EFCAB13: variants seen among roughly 807,000 people sequenced by gnomAD.
EFCAB13 encodes the protein EF-hand calcium binding domain 13.
EFCAB13 carries 91 observed loss-of-function variants against 110.2 expected under a neutral mutation model. That is an observed-to-expected ratio of 0.83 (90% CI 0.70 to 0.98). EFCAB13 has a LOEUF of 0.98. Among genes scored for constraint, EFCAB13 ranks in the 50% least tolerant of loss-of-function variants. EFCAB13 has a pLI of 0.00. For synonymous variants in EFCAB13, 323 were observed against 369.9 expected (o/e 0.87, Z 1.45); for missense variants, 968 against 1,119.4 (o/e 0.86, Z 1.93).
chr17:47,434,267 C>G (rs1567809478), intron 24 of EFCAB13, among the ~76,000 whole-genome samples: 1 of 151,848 alleles, frequency 6.6e-6, no homozygotes, highest in Non-Finnish European at 1.5e-5. Context: ...CCAACAATGA[C>G]CAAGCTGAGA....
At chr17:47,349,790 C>T (rs1299159968) in intron 9 of EFCAB13, among the ~76,000 whole-genome samples, 12 of 101,914 alleles carry the variant, frequency 1.2e-4, no homozygotes, top group Admixed American at 5.6e-4. Context: ...TTTTTTGAGA[C>T]GGAGTCTCGC....
intron 10 of EFCAB13, among the ~76,000 whole-genome samples, chr17:47,366,179 C>T (rs774658003): frequency 6.6e-5 from 10 of 152,088 alleles, no homozygotes; most frequent in Non-Finnish European, 1.3e-4. Context: ...AATTAGCCCC[C>T]TGAAATTTTC....
chr17:47,380,787 T>C (rs1388188938), intron 14 of EFCAB13, among the ~76,000 whole-genome samples: 4 of 152,164 alleles, frequency 2.6e-5, no homozygotes, highest in African/African-American at 9.7e-5. Context: ...TGGCATGAGA[T>C]GGTATCTCAT....
At chr17:47,430,783 T>C (rs1199015373) in intron 24 of EFCAB13, 2 of 152,118 alleles carry the variant, frequency 1.3e-5, no homozygotes, top group African/African-American at 4.8e-5. Flanking sequence ...TACTCTCGAT[T>C]GAACTCCACA....
At chr17:47,331,660 C>T (rs566700872) in intron 4 of EFCAB13, among the ~76,000 whole-genome samples, 3 of 152,246 alleles carry the variant, frequency 2.0e-5, no homozygotes, top group African/African-American at 4.8e-5. Context: ...TGTATTATGA[C>T]ATATAGTCAA....
At chr17:47,435,255 A>C (rs1905190867) in intron 24 of EFCAB13, among the ~76,000 whole-genome samples, 1 of 152,196 alleles carries the variant, frequency 6.6e-6, no homozygotes, top group Admixed American at 6.5e-5. Context: ...GAAGATATAC[A>C]AATGGCCAAC....
At chr17:47,343,179 G>A (rs1009190596) in intron 6 of EFCAB13, among the ~76,000 whole-genome samples, 6 of 152,018 alleles carry the variant, frequency 3.9e-5, no homozygotes, top group Non-Finnish European at 5.9e-5. Flanking sequence ...AAATCTGTGG[G>A]AATCTTCAGT....
Position 47,384,802 on chromosome 17 carries a change from G to A in EFCAB13, c.1582+5549G>A, listed in dbSNP as rs544696709. On this transcript the variant is annotated intron_variant, in intron 14 of 24. Coordinates refer to ENST00000331493, the MANE Select transcript of EFCAB13 (RefSeq NM_152347.5). ...TTTTTTTTTATTGAGAAGGAGTCTC[G>A]CTCTGTTGCCCAGGCTGGAGTGCAG... Among the ~76,000 whole-genome samples, 17 of 151,024 alleles carry A rather than the reference G, an allele frequency of 1.1e-4. No homozygotes were observed. The South Asian group carries it at 3.4e-3, about 30-fold the overall frequency.
chr17:47,350,085 A>G (rs1257417749), intron 9 of EFCAB13, among the ~76,000 whole-genome samples: 1 of 151,986 alleles, frequency 6.6e-6, no homozygotes, highest in Non-Finnish European at 1.5e-5. Context: ...GATGTTTCTT[A>G]TTTGGTCTCT....
Position 47,332,793 on chromosome 17 carries a change from AT to A in EFCAB13, c.31-2399del, listed in dbSNP as rs371142957. 5.3e-3 allele frequency among the ~76,000 whole-genome samples: 812 copies of A among 151,968 alleles called. 8 individuals carry two copies. Among genetic ancestry groups the A allele is most frequent in the African/African-American group, 0.018 (762 of 41,464 alleles). ...GTATTCATTTGTATATATTCACCAC[AT>A]TTTCTTTATGTATTCATCTGTTGAT... is the stretch of plus-strand genomic sequence containing the variant. On this transcript the variant is annotated intron_variant, in intron 4 of 24. Coordinates refer to ENST00000331493, the MANE Select transcript of EFCAB13 (RefSeq NM_152347.5).
At chr17:47,327,141 ATCTTT>A (rs1315924464) in intron 3 of EFCAB13, among the ~76,000 whole-genome samples, 2 of 151,948 alleles carry the variant, frequency 1.3e-5, no homozygotes, top group African/African-American at 4.8e-5. Flanking sequence ...AGGCTACACC[ATCTTT>A]TCTTTCTTTA....
intron 24 of EFCAB13, among the ~76,000 whole-genome samples, chr17:47,433,696 C>T (rs1004294608): frequency 2.0e-5 from 3 of 152,160 alleles, no homozygotes; most frequent in African/African-American, 7.2e-5. Flanking sequence ...TGAAATTCTT[C>T]GGCAGGGACG....
intron 20 of EFCAB13, 29 bp from the exon 21 acceptor site, chr17:47,409,618 T>C (rs746528536): frequency 6.4e-7 from 1 of 1,573,754 alleles, no homozygotes; most frequent in Admixed American, 1.7e-5. Context: ...CCATTCCTCA[T>C]TGTGTAATGT....
intron 9 of EFCAB13, among the ~76,000 whole-genome samples, chr17:47,348,437 T>C (rs2143278651): frequency 6.6e-6 from 1 of 152,260 alleles, no homozygotes; most frequent in South Asian, 2.1e-4. Flanking sequence ...TTGTTATGGA[T>C]AGGTATTTTT....
In EFCAB13 at chr17:47,341,934, A is replaced by G. The variant is rs762314160; in HGVS notation, c.205A>G (p.Ile69Val). 60 of 1,560,444 alleles carry G rather than the reference A, an allele frequency of 3.8e-5. No individual in the cohort carries two copies. The highest frequency in any genetic ancestry group is 4.8e-5 in the Non-Finnish European group (55 of 1,148,172). The change falls in exon 6 of 25, where the codon ATA (isoleucine) becomes GTA (valine). Residue 69 changes from isoleucine (I) to valine (V), a missense_variant. Ile to Val is a conservative substitution (Grantham distance 29, BLOSUM62 3). Transcript: ENST00000331493. ...TGTGTCATTTAGATTTGAAACATCA[A>G]TAATCTTTTGTGGAGAAGAAAAGTC... is the stretch of plus-strand genomic sequence containing the variant. ...PEYKKIFETS[I>V]IFCGEEKSSD...
chr17:47,358,700 T>G (rs974405891), intron 9 of EFCAB13, among the ~76,000 whole-genome samples: 2 of 152,190 alleles, frequency 1.3e-5, no homozygotes, highest in East Asian at 3.8e-4. Context: ...TTATGTCTTC[T>G]GAGTTTTGAG....
intron 10 of EFCAB13, 143 bp downstream of exon 10, chr17:47,361,664 C>T (rs2065514239): frequency 3.4e-6 from 2 of 591,584 alleles, no homozygotes; most frequent in Non-Finnish European, 5.4e-6. Context: ...ACACTGTTTA[C>T]TGGTGTCTAT....
At chr17:47,392,835 G>C (rs963045129) in intron 15 of EFCAB13, among the ~76,000 whole-genome samples, 1 of 152,100 alleles carries the variant, frequency 6.6e-6, no homozygotes, top group African/African-American at 2.4e-5. Flanking sequence ...AGAAAAGATT[G>C]ATAAATTTGC....
intron 9 of EFCAB13, among the ~76,000 whole-genome samples, chr17:47,355,848 G>A (rs1166385428): frequency 6.6e-6 from 1 of 151,884 alleles, no homozygotes; most frequent in Non-Finnish European, 1.5e-5. Context: ...TGGGATTACT[G>A]GCATGAGCCA....
Sources: allele counts gnomAD v4.1 joint callset (sites outside exome capture counted in the v4.1 genomes callset), GRCh38; gene constraint gnomAD v4.1.1; transcripts MANE v1.5; gene names NCBI Gene and HGNC (gene_info 2026-07-23, HGNC 2026-07-21).